The following VWA5B2 variants were observed in gnomAD, a reference collection of about 807,000 sequenced individuals.
VWA5B2 encodes von Willebrand factor A domain-containing protein 5B2.
Under a neutral mutation model 118.5 loss-of-function variants are expected in VWA5B2, and 93 were observed. That is an observed-to-expected ratio of 0.79 (90% CI 0.66 to 0.93). The LOEUF is 0.93. Among genes scored for constraint, VWA5B2 ranks in the 40% least tolerant of loss-of-function variants. VWA5B2 has a pLI of 0.00. For missense variants in VWA5B2, 1,546 were observed against 1,672.8 expected, an observed-to-expected ratio of 0.92 and a Z score of 1.32; for synonymous variants, 708 against 716.3, an observed-to-expected ratio of 0.99 and a Z score of 0.19.
At position 184,233,605 on chromosome 3, in the gene VWA5B2, T is replaced by C. The variant is rs2108420262; in HGVS notation, c.560T>C (p.Leu187Pro). 6.4e-7 allele frequency: 1 copy of C among 1,551,002 alleles called. No homozygotes were observed. The highest frequency in any genetic ancestry group is 2.0e-5 in the Admixed American group (1 of 50,952). Residue 187 changes from leucine to proline, a missense_variant, in exon 5 of 20, where the codon CTT becomes CCT. Coordinates refer to ENST00000691901, the MANE Select transcript of VWA5B2 (RefSeq NM_001390846.1). This position sits in a 1 kb window ranked among gnomAD's most constrained non-coding sequence, Gnocchi z 5.2. Reference sequence around the variant, plus strand: ...ACCAGCTGCTTCGGGGTGGGCAGCCTTCAGGAGGAAGGGCTGGCCTGGGAG... The same window carrying C: ...ACCAGCTGCTTCGGGGTGGGCAGCCCTCAGGAGGAAGGGCTGGCCTGGGAG... ...SPTSCFGVGS[L>P]QEEGLAWEEL...
rs1455285145 is a variant in VWA5B2, at chr3:184,230,826, C to T, written c.219C>T (p.Phe73=). ...AGGCCGCCGGACGGCGCGTCTCCTT[C>T]CAGCTGCAGAGCCGGCGCCGCTCGC... The part of the protein sequence containing the change: ...EAEAAGRRVS[F]QLQSRRRSQA... Residue 73 remains phenylalanine, a synonymous_variant, in exon 3 of 20, where the codon TTC becomes TTT. Transcript: ENST00000691901. The T allele has an allele frequency of 4.0e-6, 5 of 1,256,428 alleles. No individual in the cohort carries two copies. The Admixed American group carries it at 2.0e-4, about 50-fold the overall frequency. The allele number at this position is 1,256,428 out of a possible 1,614,324, so 77.8% of individuals were successfully genotyped here.
Position 184,238,536 on chromosome 3 carries a change from A to G in VWA5B2, c.1892-27A>G. ...GTGGGCGCTGGGAGGGGTCAGGGCT[A>G]GGGCCCATTCTACTGCCTCCCAGCA... is the stretch of plus-strand genomic sequence containing the variant. On this transcript the variant is annotated intron_variant, in intron 13 of 19. Transcript: ENST00000691901. This position sits in a 1 kb window ranked among gnomAD's most constrained non-coding sequence, Gnocchi z 5.0. The G allele has an allele frequency of 6.5e-7, 1 of 1,540,106 alleles. No individual in the cohort carries two copies. The highest frequency in any genetic ancestry group is 1.4e-5 in the African/African-American group (1 of 73,044).
Position 184,238,909 on chromosome 3 carries a change from A to G in VWA5B2, c.2202+36A>G, listed in dbSNP as rs1718278204. 6.9e-7 allele frequency: 1 copy of G among 1,449,438 alleles called. No homozygotes were observed. Among genetic ancestry groups the G allele is most frequent in the Non-Finnish European group, 9.1e-7 (1 of 1,094,590 alleles). 89.8% of individuals were successfully genotyped at this position (1,449,438 alleles called of 1,614,324 possible). On this transcript the variant is annotated intron_variant, in intron 14 of 19. Transcript: ENST00000691901. The surrounding 1 kb of genome is among the most constrained non-coding windows in gnomAD (Gnocchi z 5.0). Reference sequence around the variant, plus strand: ...ACCCACATTCATTCGCCTTGTATCCAGCAAATATTTATTTACCACCTGCTG... The same window carrying G: ...ACCCACATTCATTCGCCTTGTATCCGGCAAATATTTATTTACCACCTGCTG...
rs530934690 is a variant in VWA5B2 at position 184,241,795 on chromosome 3, G to A, written c.3486G>A (p.Leu1162=). 4.7e-6 allele frequency: 7 copies of A among 1,498,846 alleles called. No homozygotes were observed. The South Asian group carries it at 7.9e-5, about 17-fold the overall frequency. The allele number at this position is 1,498,846 out of a possible 1,614,324, so 92.8% of individuals were successfully genotyped here. ...EGAEGLGGTD[L]RGRTWATAVA... ...CGGAAGGGCTGGGCGGCACCGACCT[G>A]CGGGGCCGGACCTGGGCCACTGCCG... Residue 1162 remains leucine, a synonymous_variant, in exon 20 of 20, where the codon CTG becomes CTA. Coordinates refer to ENST00000691901, the MANE Select transcript of VWA5B2 (RefSeq NM_001390846.1). This position sits in a 1 kb window ranked among gnomAD's most constrained non-coding sequence, Gnocchi z 5.1.
In VWA5B2 at chr3:184,239,975, TG is replaced by T; in HGVS notation, c.2680del (p.Val894TrpfsTer47). On this transcript the variant is annotated frameshift_variant, in exon 16 of 20. Coordinates refer to ENST00000691901, the MANE Select transcript of VWA5B2 (RefSeq NM_001390846.1). LOFTEE classifies it high-confidence loss of function. The surrounding 1 kb of genome is among the most constrained non-coding windows in gnomAD (Gnocchi z 5.1). ...CACTCCATCGGCTGACAGCAGCCTC[TG>T]TGGTCCGGGACAATGAGCAGCTGGC... ...QALHRLTAAS[V>X]VRDNEQLALR... 6.4e-7 allele frequency: 1 copy of T among 1,550,900 alleles called. No homozygotes were observed. Among genetic ancestry groups the T allele is most frequent in the Non-Finnish European group, 8.7e-7 (1 of 1,146,928 alleles).
chr3:184,240,974 C>A, intron 17 of VWA5B2, 46 bp downstream of exon 17: 1 of 1,551,528 alleles, frequency 6.4e-7, no homozygotes, highest in Non-Finnish European at 8.7e-7. Context: ...TCTCACCTCA[C>A]TGGCCACTCT....
chr3:184,234,678 G>A lies in VWA5B2; in HGVS notation c.868G>A (p.Ala290Thr), dbSNP rs1717779436. 6.4e-7 allele frequency: 1 copy of A among 1,551,266 alleles called. No homozygotes were observed. Among genetic ancestry groups the A allele is most frequent in the Non-Finnish European group, 8.7e-7 (1 of 1,147,008 alleles). Residue 290 changes from alanine to threonine, a missense_variant, in exon 7 of 20, where the codon GCA (alanine) becomes ACA (threonine). Physicochemically the swap from Ala to Thr is moderately conservative, Grantham distance 58. Around this residue, in one of 3 missense-constraint regions of VWA5B2, gnomAD observed 775 missense variants for 882.3 expected, o/e 0.88. Transcript: ENST00000691901. ...LMLEGGSLSS[A>T]EYEARVRARR... ...GCTGGAGGGCGGCAGCCTGAGCTCA[G>A]CAGAATATGAGGCCCGGGTGAGGGC...
At chr3:184,240,655 T>C in intron 16 of VWA5B2, 136 bp from the exon 17 acceptor site, 1 of 1,253,400 alleles carries the variant, frequency 8.0e-7, no homozygotes, top group Non-Finnish European at 1.1e-6. Context: ...CTGAGCTGGT[T>C]CTGGGCCTAG....
In VWA5B2 at chr3:184,241,520, C is replaced by A. The variant is rs1426014139; in HGVS notation, c.3211C>A (p.Arg1071Ser). 17 of 1,550,038 alleles carry A rather than the reference C, an allele frequency of 1.1e-5. No individual in the cohort carries two copies. The East Asian group carries it at 3.9e-4, about 36-fold the overall frequency. ...GCTGCAGGAGGCACCAGGCTCCTTC[C>A]GCCTGGACGCGCCCTTCTGCGCCGC... ...VRLQEAPGSF[R>S]LDAPFCAAVR... The change falls in exon 20 of 20, where the codon CGC (arginine) becomes AGC (serine). Residue 1071 changes from arginine to serine, a missense_variant. Arg to Ser is a moderately radical substitution (Grantham distance 110). Transcript: ENST00000691901. The surrounding 1 kb of genome is among the most constrained non-coding windows in gnomAD (Gnocchi z 5.1).
At position 184,238,328 on chromosome 3, in the gene VWA5B2, C is replaced by T. The variant is rs1015532527; in HGVS notation, c.1745C>T (p.Ser582Leu). ...GGCCAAGAGCCTGGCTGGCAGAGCTCGGGTGGGTCCGTGTTTCCATCCCCA... is the reference window on the plus strand; with the variant it reads ...GGCCAAGAGCCTGGCTGGCAGAGCTTGGGTGGGTCCGTGTTTCCATCCCCA... ...PGGQEPGWQS[S>L]GGSVFPSPEE... The change falls in exon 13 of 20, where the codon TCG becomes TTG. Residue 582 changes from serine to leucine, a missense_variant. Around this residue, in one of 3 missense-constraint regions of VWA5B2, gnomAD observed 775 missense variants for 882.3 expected, o/e 0.88. Transcript: ENST00000691901. The surrounding 1 kb of genome is among the most constrained non-coding windows in gnomAD (Gnocchi z 5.0). 16 of 1,540,594 alleles carry T rather than the reference C, an allele frequency of 1.0e-5. No homozygotes were observed. Among genetic ancestry groups the T allele is most frequent in the African/African-American group, 6.9e-5 (5 of 72,780 alleles).
At chr3:184,229,878 C>T (rs966948735) in intron 1 of VWA5B2, among the ~76,000 whole-genome samples, 165 bp downstream of exon 1, 2 of 152,178 alleles carry the variant, frequency 1.3e-5, no homozygotes, top group Non-Finnish European at 2.9e-5. Context: ...TGGCCCGACA[C>T]CTCTCCCGGG....
Position 184,241,210 on chromosome 3 carries a change from G to T in VWA5B2, c.2986G>T (p.Gly996Cys). 1 of 1,550,722 alleles carries T rather than the reference G, an allele frequency of 6.4e-7. No homozygotes were observed. Among genetic ancestry groups the T allele is most frequent in the Non-Finnish European group, 8.7e-7 (1 of 1,146,472 alleles). ...AGGACTTCAGAGAGGCTCTCCAGCAGGCGCCTGGGACTCGGACCAAAATGG... is the reference window on the plus strand; with the variant it reads ...AGGACTTCAGAGAGGCTCTCCAGCATGCGCCTGGGACTCGGACCAAAATGG... ...SKGLQRGSPAGAWDSDQNGNS... is the reference protein window; with the variant it reads ...SKGLQRGSPACAWDSDQNGNS... The change falls in exon 19 of 20, where the codon GGC becomes TGC. Residue 996 changes from glycine to cysteine, a missense_variant. Physicochemically the swap from Gly to Cys is radical, Grantham distance 159. Around this residue, in one of 3 missense-constraint regions of VWA5B2, gnomAD observed 763 missense variants for 766.6 expected, o/e 1.00. Transcript: ENST00000691901. The surrounding 1 kb of genome is among the most constrained non-coding windows in gnomAD (Gnocchi z 5.1).
Position 184,239,585 on chromosome 3 carries a change from TA to T in VWA5B2, c.2392+4del. ...TGGGACAAGGCCTGGATGACTCAGG[TA>T]AGTGTTGGATGGGGAGCTGGTTTCC... On this transcript the variant is annotated splice_donor_region_variant and intron_variant, in intron 15 of 19. Coordinates refer to ENST00000691901, the MANE Select transcript of VWA5B2 (RefSeq NM_001390846.1). This position sits in a 1 kb window ranked among gnomAD's most constrained non-coding sequence, Gnocchi z 5.1. 6.6e-7 allele frequency: 1 copy of T among 1,511,722 alleles called. No homozygotes were observed. Among genetic ancestry groups the T allele is most frequent in the South Asian group, 1.3e-5 (1 of 79,918 alleles). The allele number at this position is 1,511,722 out of a possible 1,614,324, so 93.6% of individuals were successfully genotyped here. A position where few individuals can be genotyped will look rare whatever the true frequency, so the allele number is the denominator to read the frequency against.
In VWA5B2 at chr3:184,239,795, T is replaced by C. The variant is rs1718374295; in HGVS notation, c.2499T>C (p.Pro833=). The change falls in exon 16 of 20, where the codon CCT becomes CCC. Residue 833 remains proline, a synonymous_variant. Coordinates refer to ENST00000691901, the MANE Select transcript of VWA5B2 (RefSeq NM_001390846.1). The surrounding 1 kb of genome is among the most constrained non-coding windows in gnomAD (Gnocchi z 5.1). ...PSGELAPPAV[P]PQAPRCHVVI... is the part of the protein sequence containing the mutation. ...GGGAGTTGGCCCCTCCAGCAGTGCC[T>C]CCCCAGGCTCCACGCTGCCATGTGG... The C allele has an allele frequency of 6.5e-7, 1 of 1,545,444 alleles. No homozygotes were observed. The highest frequency in any genetic ancestry group is 1.4e-5 in the African/African-American group (1 of 72,900).
In VWA5B2 at chr3:184,236,360, C is replaced by G. The variant is rs1321942640; in HGVS notation, c.1230C>G (p.Ile410Met). The G allele has an allele frequency of 2.6e-6, 4 of 1,547,026 alleles. No individual in the cohort carries two copies. In the African/African-American group the frequency reaches 5.5e-5, roughly 21 times the overall value. ...RPCSDDAVQL[I>M]CESIETLQVP... ...CGCTCCAGGATGCTGTGCAGCTGAT[C>G]TGCGAGAGCATTGAGACCCTGCAGG... The change falls in exon 10 of 20, where the codon ATC (isoleucine) becomes ATG (methionine). Residue 410 changes from isoleucine (I) to methionine (M), a missense_variant. By Grantham distance (10) the Ile-to-Met change is conservative. This residue lies in a region of VWA5B2 where 775 missense variants were observed against 882.3 expected (regional missense o/e 0.88). Coordinates refer to ENST00000691901, the MANE Select transcript of VWA5B2 (RefSeq NM_001390846.1).
chr3:184,242,070 C>A lies in VWA5B2; in HGVS notation c.*32C>A. 3 of 1,543,026 alleles carry A rather than the reference C, an allele frequency of 1.9e-6. No homozygotes were observed. Among genetic ancestry groups the A allele is most frequent in the Non-Finnish European group, 2.6e-6 (3 of 1,146,246 alleles). Reference sequence around the variant, plus strand: ...CCCCCTGCTGCTTGGGCTGGCGCCCCACCCAACACACTCAAGTCACTGCCG... The same window carrying A: ...CCCCCTGCTGCTTGGGCTGGCGCCCAACCCAACACACTCAAGTCACTGCCG... On this transcript the variant is annotated 3_prime_UTR_variant, in exon 20 of 20. Transcript: ENST00000691901.
At position 184,233,615 on chromosome 3, in the gene VWA5B2, A is replaced by C. The variant is rs747680102; in HGVS notation, c.570A>C (p.Glu190Asp). 1 of 1,551,170 alleles carries C rather than the reference A, an allele frequency of 6.4e-7. No homozygotes were observed. The highest frequency in any genetic ancestry group is 8.7e-7 in the Non-Finnish European group (1 of 1,146,900). ...SCFGVGSLQE[E>D]GLAWEELAAP... ...TCGGGGTGGGCAGCCTTCAGGAGGA[A>C]GGGCTGGCCTGGGAGGAGCTGGCTG... The change falls in exon 5 of 20, where the codon GAA becomes GAC. Residue 190 changes from glutamate to aspartate, a missense_variant. Physicochemically the swap from Glu to Asp is conservative, Grantham distance 45. Around this residue, in one of 3 missense-constraint regions of VWA5B2, gnomAD observed 775 missense variants for 882.3 expected, o/e 0.88. Coordinates refer to ENST00000691901, the MANE Select transcript of VWA5B2 (RefSeq NM_001390846.1). The surrounding 1 kb of genome is among the most constrained non-coding windows in gnomAD (Gnocchi z 5.2).
intron 3 of VWA5B2, among the ~76,000 whole-genome samples, chr3:184,232,320 A>C (rs1206209730): frequency 2.6e-5 from 4 of 152,192 alleles, no homozygotes; most frequent in Non-Finnish European, 5.9e-5. Flanking sequence ...AGAGCTGCCA[A>C]AGGACTCAAT....
At chr3:184,236,783 T>C in intron 11 of VWA5B2, 34 bp downstream of exon 11, 1 of 1,457,132 alleles carries the variant, frequency 6.9e-7, no homozygotes, top group Non-Finnish European at 9.1e-7. Flanking sequence ...TCCCTACACC[T>C]GGAAGTTTTT....
Sources: allele counts gnomAD v4.1 joint callset (sites outside exome capture counted in the v4.1 genomes callset), GRCh38; gene constraint gnomAD v4.1.1; regional missense constraint gnomAD v4.1.1; non-coding constraint Gnocchi (gnomAD v3.1); transcripts MANE v1.5; gene names NCBI Gene and HGNC (gene_info 2026-07-23, HGNC 2026-07-21).